Variants in RGP1 observed in about 807,000 individuals in gnomAD.
The protein encoded by RGP1 is RAB6A-GEF complex partner protein 2.
RGP1 carries 28 observed loss-of-function variants against 44.5 expected under a neutral mutation model. The ratio of observed to expected loss-of-function variants is 0.63; its 90% CI spans 0.47 to 0.86. The LOEUF (loss-of-function observed/expected upper bound fraction) is 0.86. Among genes scored for constraint, RGP1 ranks in the 40% least tolerant of loss-of-function variants. The pLI is 0.00. For synonymous variants in RGP1, 212 were observed against 196.7 expected (o/e 1.08, Z -0.65); for missense variants, 417 against 490.7 (o/e 0.85, Z 1.42).
At chr9:35,784,234 C>G in the RGP1 span, among the ~76,000 whole-genome samples, 1 of 152,134 alleles carries the variant, frequency 6.6e-6, no homozygotes, top group African/African-American at 2.4e-5. Flanking sequence ...TGTAACTTGC[C>G]TCTTCATTTT....
chr9:35,779,993 C>A, the RGP1 span, among the ~76,000 whole-genome samples: 2 of 152,204 alleles, frequency 1.3e-5, no homozygotes, highest in Non-Finnish European at 2.9e-5. Flanking sequence ...CTGCCTCAGC[C>A]TTCCAATGCC....
At chr9:35,782,618 G>T in the RGP1 span, among the ~76,000 whole-genome samples, 4 of 152,048 alleles carry the variant, frequency 2.6e-5, no homozygotes, top group Admixed American at 2.6e-4. Flanking sequence ...GCTAATTTTT[G>T]CATTTTTAGT....
At chr9:35,762,184 G>A (rs1827424140), downstream of RGP1, among the ~76,000 whole-genome samples, 1 of 152,116 alleles carries the variant, frequency 6.6e-6, no homozygotes, top group Non-Finnish European at 1.5e-5. Context: ...TCATGCCAGA[G>A]CAAGAGCAAG....
the RGP1 span, among the ~76,000 whole-genome samples, chr9:35,767,766 A>T: frequency 6.6e-6 from 1 of 152,100 alleles, no homozygotes; most frequent in African/African-American, 2.4e-5. Context: ...GCCTGGTAAG[A>T]CTAGAACTAG....
Position 35,754,724 on chromosome 9 carries a change from G to C in RGP1, c.*1850G>C, listed in dbSNP as rs1827332665. On this transcript the variant is annotated 3_prime_UTR_variant, in exon 9 of 9. Transcript: ENST00000378078. ...GCCAGAAGCTCCAGGAGAGTGAGCA[G>C]GCACCTGGAGTGGAGACTGTGTTTC... The C allele has an allele frequency of 6.6e-6, 1 of 152,294 alleles. No homozygotes were observed. Among genetic ancestry groups the C allele is most frequent in the African/African-American group, 2.4e-5 (1 of 41,442 alleles). 9.4% of individuals were successfully genotyped at this position (152,294 alleles called of 1,614,324 possible).
At position 35,753,592 on chromosome 9, in the gene RGP1, T is replaced by C; in HGVS notation, c.*718T>C. ...TCATTCTTACATCACAGCAATCTAG[T>C]CACTCCCTGGTCATCCCTCAGTCAC... On this transcript the variant is annotated 3_prime_UTR_variant, in exon 9 of 9. Coordinates refer to ENST00000378078, the MANE Select transcript of RGP1 (RefSeq NM_001080496.3). This position sits in a 1 kb window ranked among gnomAD's most constrained non-coding sequence, Gnocchi z 4.2. 7.6e-7 allele frequency: 1 copy of C among 1,323,496 alleles called. No homozygotes were observed. Among genetic ancestry groups the C allele is most frequent in the Non-Finnish European group, 1.1e-6 (1 of 933,746 alleles). 82.0% of individuals were successfully genotyped at this position (1,323,496 alleles called of 1,614,324 possible).
chr9:35,751,470 C>A, intron 6 of RGP1, 58 bp downstream of exon 6: 1 of 1,608,176 alleles, frequency 6.2e-7, no homozygotes, highest in South Asian at 1.1e-5. Context: ...TTTCCCATCT[C>A]AGAGACAGTC....
the RGP1 span, among the ~76,000 whole-genome samples, chr9:35,769,079 T>G: frequency 3.9e-5 from 6 of 152,190 alleles, no homozygotes; most frequent in Non-Finnish European, 7.4e-5. Context: ...TTGGGCCCAT[T>G]TGAGATAAGT....
At chr9:35,759,835 A>G (rs956634533), downstream of RGP1, among the ~76,000 whole-genome samples, 6 of 69,516 alleles carry the variant, frequency 8.6e-5, no homozygotes, top group Non-Finnish European at 1.6e-4. Context: ...TTGTAGAAGA[A>G]TCTCTAATGT....
In RGP1 at chr9:35,751,677, T is replaced by A. The variant is rs1827267579; in HGVS notation, c.685T>A (p.Phe229Ile). The change falls in exon 7 of 9, where the codon TTC (phenylalanine) becomes ATC (isoleucine). Residue 229 changes from phenylalanine (F) to isoleucine (I), a missense_variant. By Grantham distance (21) the Phe-to-Ile change is conservative. Transcript: ENST00000378078. Reference sequence around the variant, plus strand: ...AGGGAAAGTTGGGACGTTTGGCATCTTCAAATCTGTGTACAGACTTGGCGA... The same window carrying A: ...AGGGAAAGTTGGGACGTTTGGCATCATCAAATCTGTGTACAGACTTGGCGA... Reference protein sequence around the residue: ...GRGKVGTFGIFKSVYRLGEDV... With the variant: ...GRGKVGTFGIIKSVYRLGEDV... 1 of 1,613,878 alleles carries A rather than the reference T, an allele frequency of 6.2e-7. No individual in the cohort carries two copies.
chr9:35,753,543 G>T lies in RGP1; in HGVS notation c.*669G>T. ...ACTAGTGTTGGTCCCTTCAGGTTTG[G>T]CCCATCTTGTATTGCTCTTCTGTTC... On this transcript the variant is annotated 3_prime_UTR_variant, in exon 9 of 9. Coordinates refer to ENST00000378078, the MANE Select transcript of RGP1 (RefSeq NM_001080496.3). The surrounding 1 kb of genome is among the most constrained non-coding windows in gnomAD (Gnocchi z 4.2). 4.4e-6 allele frequency: 4 copies of T among 918,694 alleles called. No homozygotes were observed. The highest frequency in any genetic ancestry group is 6.8e-6 in the Non-Finnish European group (4 of 592,092). The allele number at this position is 918,694 out of a possible 1,614,324, so 56.9% of individuals were successfully genotyped here.
At chr9:35,777,445 GT>G in the RGP1 span, among the ~76,000 whole-genome samples, 3,148 of 140,892 alleles carry the variant, frequency 0.022, 107 homozygotes, top group African/African-American at 0.072. Context: ...ATGTTTTGTG[GT>G]TTTTTTTTTT....
intron 5 of RGP1, 118 bp downstream of exon 5, chr9:35,751,107 G>A: frequency 6.8e-7 from 1 of 1,473,472 alleles, no homozygotes; most frequent in Non-Finnish European, 9.3e-7. Flanking sequence ...GACAGTGCTA[G>A]GGAGTTGGGA....
the RGP1 span, among the ~76,000 whole-genome samples, chr9:35,784,268 A>G: frequency 6.6e-6 from 1 of 152,256 alleles, no homozygotes; most frequent in African/African-American, 2.4e-5. Flanking sequence ...TTTGCTGTGA[A>G]GAAGCTTTTT....
the RGP1 span, among the ~76,000 whole-genome samples, chr9:35,788,545 AAC>A: frequency 2.0e-5 from 3 of 151,704 alleles, no homozygotes; most frequent in African/African-American, 7.3e-5. Context: ...CAGCCTGAGT[AAC>A]AGAGTGAGAC....
the RGP1 span, among the ~76,000 whole-genome samples, chr9:35,788,375 C>A: frequency 6.6e-6 from 1 of 152,220 alleles, no homozygotes; most frequent in East Asian, 1.9e-4. Flanking sequence ...TCGAGACCAG[C>A]TGGCCAACAT....
the RGP1 span, among the ~76,000 whole-genome samples, chr9:35,776,422 G>A: frequency 0.3 from 44,692 of 151,226 alleles, 6,769 homozygotes; most frequent in East Asian, 0.44. Flanking sequence ...CGAGTAGCTG[G>A]AATTACGGGC....
the RGP1 span, among the ~76,000 whole-genome samples, chr9:35,776,650 A>G: frequency 6.6e-6 from 1 of 152,124 alleles, no homozygotes; most frequent in South Asian, 2.1e-4. Context: ...TTGGCCCTCA[A>G]GGAAGAGTCT....
intron 7 of RGP1, 41 bp downstream of exon 7, chr9:35,751,795 G>A (rs1388317789): frequency 6.2e-7 from 1 of 1,613,110 alleles, no homozygotes; most frequent in East Asian, 2.2e-5. Flanking sequence ...GGGGTGCTGG[G>A]GTTGAAGGGC....
Sources: allele counts gnomAD v4.1 joint callset (sites outside exome capture counted in the v4.1 genomes callset), GRCh38; gene constraint gnomAD v4.1.1; non-coding constraint Gnocchi (gnomAD v3.1); transcripts MANE v1.5; gene names NCBI Gene and HGNC (gene_info 2026-07-23, HGNC 2026-07-21).